Variants in UBE3A observed in about 807,000 individuals in gnomAD.
The protein encoded by UBE3A is ubiquitin protein ligase E3A.
UBE3A carries 6 observed loss-of-function variants against 83.4 expected under a neutral mutation model. That is an observed-to-expected ratio of 0.07 (90% confidence interval 0.04 to 0.14). UBE3A has a LOEUF of 0.14. UBE3A is among the 10% of genes least tolerant of loss of function. UBE3A has a pLI of 1.00. For missense variants in UBE3A, 456 were observed against 1,036.1 expected (o/e 0.44, Z 7.69); for synonymous variants, 337 against 355.4 (o/e 0.95, Z 0.58).
At chr15:25,437,523 C>A (rs1366686266) in intron 1 of UBE3A, among the ~76,000 whole-genome samples, 1 of 152,166 alleles carries the variant, frequency 6.6e-6, no homozygotes, top group East Asian at 1.9e-4. Context: ...AATTACGGGT[C>A]ATATCCACAT....
intron 12 of UBE3A, 95 bp from the exon 13 acceptor site, chr15:25,339,352 G>A: frequency 6.8e-7 from 1 of 1,481,352 alleles, no homozygotes; most frequent in Non-Finnish European, 9.2e-7. Flanking sequence ...GTATATAGTT[G>A]AGACGGTCTG....
intron 4 of UBE3A, among the ~76,000 whole-genome samples, chr15:25,388,756 G>C (rs1415853354): frequency 6.6e-6 from 1 of 152,126 alleles, no homozygotes; most frequent in Admixed American, 6.5e-5. Flanking sequence ...ACTAATAAGT[G>C]ATTATAGCAA....
In UBE3A at chr15:25,395,704, C is replaced by T. The variant is rs1436455211; in HGVS notation, c.62+9757G>A. Reference sequence around the variant, plus strand: ...ATAAATCAGTCTACAGTTCAGAGGGCAAGAGCTGACGATGGAAATAGAAGA... The same window carrying T: ...ATAAATCAGTCTACAGTTCAGAGGGTAAGAGCTGACGATGGAAATAGAAGA... On this transcript the variant is annotated intron_variant, in intron 4 of 12. Coordinates refer to ENST00000648336, the MANE Select transcript of UBE3A (RefSeq NM_130839.5). Among the ~76,000 whole-genome samples the T allele has an allele frequency of 2.6e-5, 4 of 152,112 alleles. No individual in the cohort carries two copies. In the East Asian group the frequency reaches 7.7e-4, roughly 29 times the overall value.
chr15:25,386,554 A>C (rs2083176825), intron 4 of UBE3A, among the ~76,000 whole-genome samples: 1 of 152,160 alleles, frequency 6.6e-6, no homozygotes, highest in Non-Finnish European at 1.5e-5. Context: ...ACTGTAAGAG[A>C]AATGAAGAAT....
At chr15:25,362,709 A>G (rs994139283) in intron 6 of UBE3A, among the ~76,000 whole-genome samples, 6 of 152,198 alleles carry the variant, frequency 3.9e-5, no homozygotes, top group Admixed American at 1.3e-4. Flanking sequence ...TGAGGAGACT[A>G]AAATTAGAAT....
At chr15:25,428,448 A>G (rs1892065025) in intron 1 of UBE3A, among the ~76,000 whole-genome samples, 1 of 152,188 alleles carries the variant, frequency 6.6e-6, no homozygotes, top group Non-Finnish European at 1.5e-5. Flanking sequence ...ATTAAGGCTC[A>G]TACTACCAGA....
intron 5 of UBE3A, among the ~76,000 whole-genome samples, chr15:25,372,111 T>C (rs544322725): frequency 1.3e-5 from 2 of 152,302 alleles, no homozygotes; most frequent in South Asian, 4.1e-4. Flanking sequence ...AGATATCTAT[T>C]AATGTATAGC....
At chr15:25,418,941 A>G (rs1035172092) in intron 1 of UBE3A, 2 of 152,178 alleles carry the variant, frequency 1.3e-5, no homozygotes, top group African/African-American at 4.8e-5. Context: ...TCCCTTATAT[A>G]AAATGGCATG....
Position 25,430,051 on chromosome 15 carries a change from T to A in UBE3A, c.-165+8438A>T, listed in dbSNP as rs28676610. 3.8e-3 allele frequency among the ~76,000 whole-genome samples: 294 copies of A among 77,626 alleles called. 5 individuals are homozygous for A. Among genetic ancestry groups the A allele is most frequent in the African/African-American group, 0.01 (134 of 13,150 alleles). The allele number at this position is 77,626 out of a possible 152,430, so 50.9% of individuals were successfully genotyped here. On this transcript the variant is annotated intron_variant, in intron 1 of 12. Coordinates refer to ENST00000648336, the MANE Select transcript of UBE3A (RefSeq NM_130839.5). ...CCTATATATATATATATATATATAT[T>A]TATATGTATTATATATATATAATAC...
chr15:25,382,163 A>G (rs1567000690), intron 4 of UBE3A, among the ~76,000 whole-genome samples: 2 of 151,430 alleles, frequency 1.3e-5, no homozygotes, highest in Non-Finnish European at 2.9e-5. Context: ...CTAAAAATAC[A>G]AAAAAAAATT....
At chr15:25,349,270 T>G (rs781259283) in intron 11 of UBE3A, among the ~76,000 whole-genome samples, 12 of 152,212 alleles carry the variant, frequency 7.9e-5, no homozygotes, top group African/African-American at 2.9e-4. Flanking sequence ...ATTTTATTGG[T>G]GGTGGATCAC....
chr15:25,426,580 C>T (rs781425939), intron 1 of UBE3A, among the ~76,000 whole-genome samples: 1 of 152,150 alleles, frequency 6.6e-6, no homozygotes, highest in Non-Finnish European at 1.5e-5. Flanking sequence ...ACCTGCCTAT[C>T]AAATAAATGT....
chr15:25,340,644 T>C (rs1437179829), intron 11 of UBE3A, among the ~76,000 whole-genome samples: 1 of 152,264 alleles, frequency 6.6e-6, no homozygotes, highest in African/African-American at 2.4e-5. Context: ...TTATCCTTTC[T>C]CCTTTATTCT....
At chr15:25,438,459 C>A (rs1457453018) in intron 1 of UBE3A, 30 bp downstream of exon 1, 1 of 152,224 alleles carries the variant, frequency 6.6e-6, no homozygotes, top group African/African-American at 2.4e-5. Context: ...GGAGCCAGCG[C>A]CGCCTGGCGC....
At chr15:25,378,757 G>GA (rs541869739) in intron 4 of UBE3A, among the ~76,000 whole-genome samples, 7 of 151,944 alleles carry the variant, frequency 4.6e-5, no homozygotes, top group African/African-American at 1.5e-4. Context: ...GAATTCTATG[G>GA]AAAAAAATCT....
chr15:25,415,689 C>T (rs773658949), intron 1 of UBE3A: 1 of 151,792 alleles, frequency 6.6e-6, no homozygotes, highest in Non-Finnish European at 1.5e-5. Flanking sequence ...TTAATTTCTC[C>T]TTATATTTAT....
chr15:25,421,037 GA>G (rs1333153350), intron 1 of UBE3A, among the ~76,000 whole-genome samples: 1 of 152,212 alleles, frequency 6.6e-6, no homozygotes, highest in African/African-American at 2.4e-5. Context: ...GATACGGTTT[GA>G]ATATTTGTCC....
chr15:25,398,364 GTTA>G (rs1186342000), intron 4 of UBE3A, among the ~76,000 whole-genome samples: 2 of 151,926 alleles, frequency 1.3e-5, no homozygotes, highest in African/African-American at 4.8e-5. Context: ...AAAATACACT[GTTA>G]TTAACTAGTT....
At chr15:25,398,199 A>C (rs1231051704) in intron 4 of UBE3A, among the ~76,000 whole-genome samples, 1 of 151,518 alleles carries the variant, frequency 6.6e-6, no homozygotes, top group Non-Finnish European at 1.5e-5. Context: ...AAACACAAAA[A>C]ACAAAAAAAA....
Sources: gnomAD v4.1 joint callset for allele counts (sites outside exome capture counted in the v4.1 genomes callset) on GRCh38, gnomAD v4.1.1 for gene constraint, MANE v1.5 for transcripts, NCBI Gene and HGNC (gene_info 2026-07-23, HGNC 2026-07-21) for gene names.